The following PDE1A variants were observed in gnomAD, a reference collection of about 807,000 sequenced individuals.
PDE1A encodes the protein phosphodiesterase 1A, also known as dual specificity calcium/calmodulin-dependent 3',5'-cyclic nucleotide phosphodiesterase 1A.
A neutral mutation model predicts 61.7 loss-of-function variants in PDE1A; 35 were observed. The ratio of observed to expected loss-of-function variants is 0.57; its 90% CI spans 0.43 to 0.75. The LOEUF (loss-of-function observed/expected upper bound fraction) is 0.75. Among genes scored for constraint, PDE1A ranks in the 30% least tolerant of loss-of-function variants. The pLI is 0.00. For synonymous variants in PDE1A, 232 were observed against 213.2 expected (o/e 1.09, Z -0.77); for missense variants, 597 against 630.6 (o/e 0.95, Z 0.57).
At chr2:182,438,305 C>T (rs1559463636) in intron 2 of PDE1A, among the ~76,000 whole-genome samples, 1 of 151,970 alleles carries the variant, frequency 6.6e-6, no homozygotes, top group Non-Finnish European at 1.5e-5. Context: ...CAACAATCTA[C>T]TCCAAGAATG....
the PDE1A span, among the ~76,000 whole-genome samples, chr2:182,531,326 A>C: frequency 6.6e-6 from 1 of 151,884 alleles, no homozygotes; most frequent in African/African-American, 2.4e-5. Flanking sequence ...CTGGTCTATA[A>C]GAAAAGCACT....
chr2:182,486,943 C>A (rs1430519033), intron 2 of PDE1A, among the ~76,000 whole-genome samples: 2 of 152,082 alleles, frequency 1.3e-5, no homozygotes, highest in Non-Finnish European at 2.9e-5. Context: ...AATTAAAAAC[C>A]TTTATTCTTC....
chr2:182,244,802 A>G (rs1465419645), intron 2 of PDE1A, among the ~76,000 whole-genome samples: 1 of 152,172 alleles, frequency 6.6e-6, no homozygotes, highest in Non-Finnish European at 1.5e-5. Context: ...AGAAGGTTGA[A>G]GAGAGGGACC....
intron 1 of PDE1A, among the ~76,000 whole-genome samples, chr2:182,373,902 A>C (rs1372217739): frequency 6.6e-6 from 1 of 152,218 alleles, no homozygotes; most frequent in East Asian, 1.9e-4. Context: ...GACTTCATTG[A>C]GTTGCCAAAT....
chr2:182,514,768 CAT>C (rs1367734894), intron 2 of PDE1A, among the ~76,000 whole-genome samples: 1 of 152,138 alleles, frequency 6.6e-6, no homozygotes, highest in Non-Finnish European at 1.5e-5. Context: ...GCAAAGATTT[CAT>C]GAGGAAGACT....
intron 13 of PDE1A, among the ~76,000 whole-genome samples, chr2:182,155,148 G>C (rs1416164038): frequency 1.4e-5 from 2 of 144,092 alleles, no homozygotes; most frequent in East Asian, 4.1e-4. Flanking sequence ...GTGCAATGGT[G>C]CCATCATGGC....
intron 2 of PDE1A, among the ~76,000 whole-genome samples, chr2:182,484,824 C>T (rs1687915848): frequency 6.6e-6 from 1 of 151,984 alleles, no homozygotes; most frequent in African/African-American, 2.4e-5. Flanking sequence ...GACACCATCT[C>T]ACACCAGTCA....
chr2:182,464,754 A>G (rs1164800414), intron 2 of PDE1A, among the ~76,000 whole-genome samples: 2 of 152,124 alleles, frequency 1.3e-5, no homozygotes, highest in African/African-American at 4.8e-5. Context: ...AAAATCACTG[A>G]AGGGAAACAT....
intron 1 of PDE1A, among the ~76,000 whole-genome samples, chr2:182,326,498 T>C (rs916538839): frequency 6.6e-6 from 1 of 152,180 alleles, no homozygotes; most frequent in Non-Finnish European, 1.5e-5. Context: ...TTCTTAGAAT[T>C]ATACATGAGG....
At chr2:182,674,498 T>A in the PDE1A span, among the ~76,000 whole-genome samples, 2 of 152,114 alleles carry the variant, frequency 1.3e-5, no homozygotes, top group Non-Finnish European at 2.9e-5. Context: ...CCTACCAATA[T>A]GAAATCTTAG....
intron 1 of PDE1A, among the ~76,000 whole-genome samples, chr2:182,282,036 T>C (rs1423480307): frequency 2.0e-5 from 3 of 151,970 alleles, no homozygotes; most frequent in Admixed American, 2.0e-4. Context: ...TTACCCTTAA[T>C]GATGTTATTT....
At chr2:182,212,276 T>TAC (rs1184388678) in intron 7 of PDE1A, among the ~76,000 whole-genome samples, 29 of 151,306 alleles carry the variant, frequency 1.9e-4, no homozygotes, top group South Asian at 4.2e-4. Context: ...TATATATATA[T>TAC]ACACACACAC....
chr2:182,514,639 C>A (rs942699972), intron 2 of PDE1A, among the ~76,000 whole-genome samples: 1 of 152,138 alleles, frequency 6.6e-6, no homozygotes. Context: ...AAACTGGACA[C>A]CTTCTTTTCA....
chr2:182,379,510 C>T (rs1700605729), intron 1 of PDE1A, among the ~76,000 whole-genome samples: 1 of 152,126 alleles, frequency 6.6e-6, no homozygotes, highest in South Asian at 2.1e-4. Context: ...GAAATAAGGG[C>T]TTGGACAAGT....
the PDE1A span, among the ~76,000 whole-genome samples, chr2:182,561,055 G>A: frequency 2.7e-3 from 384 of 143,378 alleles, 3 homozygotes; most frequent in African/African-American, 9.1e-3. Flanking sequence ...AAGCTCTTTA[G>A]TTTAATTAGA....
intron 2 of PDE1A, among the ~76,000 whole-genome samples, chr2:182,446,465 T>C (rs565139736): frequency 2.6e-5 from 4 of 152,266 alleles, no homozygotes; most frequent in Admixed American, 2.0e-4. Context: ...TGCAGTCTCC[T>C]GTTTTGGTCA....
At chr2:182,182,307 A>C (rs183558182) in intron 13 of PDE1A, among the ~76,000 whole-genome samples, 1 of 152,114 alleles carries the variant, frequency 6.6e-6, no homozygotes, top group Non-Finnish European at 1.5e-5. Flanking sequence ...AACAAATCCT[A>C]TCAGTTCAGC....
At chr2:182,251,034 C>G (rs1691360454) in intron 2 of PDE1A, among the ~76,000 whole-genome samples, 1 of 152,166 alleles carries the variant, frequency 6.6e-6, no homozygotes, top group Non-Finnish European at 1.5e-5. Context: ...CTGCCCAAAG[C>G]CTTGCTGATG....
the PDE1A span, among the ~76,000 whole-genome samples, chr2:182,561,005 T>C: frequency 6.7e-6 from 1 of 149,314 alleles, no homozygotes; most frequent in Non-Finnish European, 1.5e-5. Context: ...ATTTTGTAGG[T>C]TGCCTGTTCA....
Sources: allele counts gnomAD v4.1 joint callset (sites outside exome capture counted in the v4.1 genomes callset), GRCh38; gene constraint gnomAD v4.1.1; transcripts MANE v1.5; gene names NCBI Gene and HGNC (gene_info 2026-07-23, HGNC 2026-07-21).